The following CSMD1 variants were observed in gnomAD, a reference collection of about 807,000 sequenced individuals.
The protein encoded by CSMD1 is CUB and sushi domain-containing protein 1.
In CSMD1, 213 loss-of-function variants were observed where a neutral mutation model predicts 417.5. The ratio of observed to expected loss-of-function variants is 0.51; its 90% CI spans 0.46 to 0.57. The LOEUF (loss-of-function observed/expected upper bound fraction) is 0.57, where lower values mean the gene tolerates loss of function less well. CSMD1 is among the 20% of genes least tolerant of loss of function. The pLI is 0.00. For synonymous variants in CSMD1, 2,862 were observed against 1,736.8 expected, an observed-to-expected ratio of 1.65 and a Z score of -16.11; for missense variants, 6,923 against 4,529.7, an observed-to-expected ratio of 1.53 and a Z score of -15.17.
intron 3 of CSMD1, among the ~76,000 whole-genome samples, chr8:4,072,065 A>T (rs749811531): frequency 1.3e-5 from 2 of 152,206 alleles, no homozygotes; most frequent in African/African-American, 2.4e-5. Context: ...TGGTTTTGCC[A>T]CCAGCACTGA....
intron 23 of CSMD1, among the ~76,000 whole-genome samples, chr8:3,310,066 T>C (rs913658471): frequency 3.9e-5 from 6 of 152,200 alleles, no homozygotes; most frequent in African/African-American, 1.2e-4. Context: ...GTATCCATCT[T>C]GGTGCAAAAC....
At chr8:3,972,059 C>A (rs1443231347) in intron 5 of CSMD1, among the ~76,000 whole-genome samples, 1 of 152,016 alleles carries the variant, frequency 6.6e-6, no homozygotes, top group Non-Finnish European at 1.5e-5. Context: ...TTCATAGAGA[C>A]AGGGGCTCTG....
intron 3 of CSMD1, among the ~76,000 whole-genome samples, chr8:4,190,031 G>A (rs777140796): frequency 2.6e-5 from 4 of 151,834 alleles, no homozygotes; most frequent in Non-Finnish European, 5.9e-5. Context: ...GGCCAAGGCA[G>A]GTAGAACACG....
intron 3 of CSMD1, among the ~76,000 whole-genome samples, chr8:4,295,627 A>G (rs1189365094): frequency 6.9e-6 from 1 of 145,464 alleles, no homozygotes; most frequent in Non-Finnish European, 1.5e-5. Flanking sequence ...ATATATATAT[A>G]AACATATATT....
At chr8:3,879,213 G>A (rs1428429289) in intron 5 of CSMD1, among the ~76,000 whole-genome samples, 1 of 152,108 alleles carries the variant, frequency 6.6e-6, no homozygotes, top group South Asian at 2.1e-4. Flanking sequence ...GAAATATACA[G>A]GTATGTATTT....
intron 1 of CSMD1, among the ~76,000 whole-genome samples, chr8:4,801,736 G>A (rs1467631289): frequency 2.0e-5 from 3 of 151,304 alleles, no homozygotes; most frequent in Non-Finnish European, 4.4e-5. Context: ...ATTAATAATA[G>A]GAAAAACACA....
At chr8:4,188,704 T>A (rs1334908437) in intron 3 of CSMD1, among the ~76,000 whole-genome samples, 2 of 152,032 alleles carry the variant, frequency 1.3e-5, no homozygotes, top group Non-Finnish European at 2.9e-5. Context: ...AGAGGAAGTG[T>A]AAATAAAAAC....
intron 1 of CSMD1, among the ~76,000 whole-genome samples, chr8:4,645,650 A>C (rs1803475853): frequency 6.6e-6 from 1 of 152,124 alleles, no homozygotes; most frequent in South Asian, 2.1e-4. Flanking sequence ...TGTCGAAGGT[A>C]GGAAGCAGGG....
chr8:3,216,709 A>G (rs1275870804), intron 29 of CSMD1, among the ~76,000 whole-genome samples: 1 of 152,220 alleles, frequency 6.6e-6, no homozygotes, highest in East Asian at 1.9e-4. Flanking sequence ...ACTTCATAAC[A>G]GGGTGTATTT....
intron 2 of CSMD1, among the ~76,000 whole-genome samples, chr8:4,624,865 T>C (rs1454377781): frequency 6.6e-6 from 1 of 152,078 alleles, no homozygotes; most frequent in Non-Finnish European, 1.5e-5. Context: ...ATTACATTCG[T>C]TTCCATTCGG....
chr8:3,878,677 A>G lies in CSMD1; in HGVS notation c.818+119226T>C, dbSNP rs551915269. Among the ~76,000 whole-genome samples, 159 of 152,338 alleles carry G rather than the reference A, an allele frequency of 1.0e-3. 1 individual carries two copies. The highest frequency in any genetic ancestry group is 1.1e-3 in the African/African-American group (46 of 41,588). The stretch of plus-strand genomic sequence containing the variant: ...CAAATAAGTAGTTTCATATTCAACT[A>G]GTCTGAGTTGCTAGTATGTCTGATG... On this transcript the variant is annotated intron_variant, in intron 5 of 69. Transcript: ENST00000635120.
At chr8:4,246,807 G>C (rs972587253) in intron 3 of CSMD1, among the ~76,000 whole-genome samples, 9 of 152,074 alleles carry the variant, frequency 5.9e-5, no homozygotes, top group African/African-American at 2.2e-4. Flanking sequence ...ATGTAGTATA[G>C]GACATTTGAC....
At chr8:3,396,950 G>A (rs11136618) in intron 16 of CSMD1, among the ~76,000 whole-genome samples, 62,455 of 151,562 alleles carry the variant, frequency 0.41, 13,121 homozygotes, top group Middle Eastern at 0.47. Context: ...CCATGGGTAT[G>A]TTGCCATTTC....
At chr8:4,970,627 C>T (rs551792646) in intron 1 of CSMD1, among the ~76,000 whole-genome samples, 1 of 151,942 alleles carries the variant, frequency 6.6e-6, no homozygotes, top group Non-Finnish European at 1.5e-5. Context: ...TGATAGGAAG[C>T]TTGTGTGACT....
intron 3 of CSMD1, among the ~76,000 whole-genome samples, chr8:4,087,522 C>T (rs1382010681): frequency 6.6e-6 from 1 of 152,132 alleles, no homozygotes; most frequent in Non-Finnish European, 1.5e-5. Context: ...TCTCTGGTGT[C>T]AAAAAGCAAG....
intron 5 of CSMD1, among the ~76,000 whole-genome samples, chr8:3,854,823 A>G (rs148634861): frequency 1.1e-4 from 16 of 152,302 alleles, no homozygotes; most frequent in African/African-American, 3.4e-4. Context: ...ATATTACTAA[A>G]CATAACAAAA....
At chr8:3,594,930 G>A (rs1173303096) in intron 8 of CSMD1, among the ~76,000 whole-genome samples, 1 of 152,192 alleles carries the variant, frequency 6.6e-6, no homozygotes, top group Non-Finnish European at 1.5e-5. Flanking sequence ...GGCAGAAGCA[G>A]GAATTCAGAA....
intron 3 of CSMD1, among the ~76,000 whole-genome samples, chr8:4,183,070 T>A (rs939797992): frequency 2.6e-5 from 4 of 152,170 alleles, no homozygotes; most frequent in African/African-American, 9.7e-5. Context: ...CACTGCTAGA[T>A]GTCACACTCA....
chr8:3,731,031 C>T (rs1796221665), intron 6 of CSMD1, among the ~76,000 whole-genome samples: 1 of 152,214 alleles, frequency 6.6e-6, no homozygotes, highest in African/African-American at 2.4e-5. Flanking sequence ...ATACCCATCA[C>T]TCAGCTGTAA....
Sources: allele counts gnomAD v4.1 joint callset (sites outside exome capture counted in the v4.1 genomes callset), GRCh38; gene constraint gnomAD v4.1.1; transcripts MANE v1.5; gene names NCBI Gene and HGNC (gene_info 2026-07-23, HGNC 2026-07-21).